The following A3GALT2 variants were observed in gnomAD, a reference collection of about 807,000 sequenced individuals.
A3GALT2 encodes the protein alpha 1,3-galactosyltransferase 2.
In A3GALT2, 14 loss-of-function variants were observed where a neutral mutation model predicts 16.6. The observed-to-expected ratio is 0.84, with a 90% CI of 0.56 to 1.32. The LOEUF (loss-of-function observed/expected upper bound fraction) is 1.32, where lower values mean the gene tolerates loss of function less well. A3GALT2 is among the 40% of genes most tolerant of loss of function. The probability of loss-of-function intolerance (pLI) is 0.00; values close to 1 mark genes in which losing one functional copy is unlikely to be tolerated. For missense variants in A3GALT2, 600 were observed against 490.9 expected (o/e 1.22, Z -2.10); for synonymous variants, 253 against 218.0 (o/e 1.16, Z -1.42).
intron 4 of A3GALT2, among the ~76,000 whole-genome samples, chr1:33,308,701 C>G (rs190848249): frequency 6.7e-6 from 1 of 149,734 alleles, no homozygotes; most frequent in Admixed American, 6.6e-5. Flanking sequence ...GCTACTACGC[C>G]TGGCCCTCCA....
intron 3 of A3GALT2, 49 bp downstream of exon 3, chr1:33,312,452 T>C: frequency 6.7e-7 from 1 of 1,497,216 alleles, no homozygotes; most frequent in South Asian, 1.3e-5. Context: ...GGCAGAGCTG[T>C]GTAGGGTTTG....
chr1:33,312,473 T>C (rs1377055340), intron 3 of A3GALT2, 28 bp downstream of exon 3: 22 of 1,544,096 alleles, frequency 1.4e-5, no homozygotes, highest in Non-Finnish European at 1.9e-5. Flanking sequence ...GGGGTGCCCT[T>C]GGAGTAGGAG....
intron 1 of A3GALT2, chr1:33,314,778 C>T (rs914861340): frequency 2.6e-5 from 4 of 152,218 alleles, no homozygotes; most frequent in Non-Finnish European, 5.9e-5. Context: ...AGAGTCATCT[C>T]ATAACAAGTC....
At position 33,307,082 on chromosome 1, in the gene A3GALT2, C is replaced by T; in HGVS notation, c.707G>A (p.Arg236His). ...CATCGCGGCGGCCGAATGCGCGTCG[C>T]GTTCGAAGGGCAGCAGCCACGACGG... is the stretch of plus-strand genomic sequence containing the variant. ...HWPSWLLPFE[R>H]DAHSAAAMAW... The change falls in exon 5 of 5, where the codon CGC (arginine) becomes CAC (histidine). Residue 236 changes from arginine to histidine, a missense_variant. Physicochemically the swap from Arg to His is conservative, Grantham distance 29. Coordinates refer to ENST00000442999, the MANE Select transcript of A3GALT2 (RefSeq NM_001080438.1). 1 of 1,521,450 alleles carries T rather than the reference C, an allele frequency of 6.6e-7. No individual in the cohort carries two copies. The allele number at this position is 1,521,450 out of a possible 1,614,324, so 94.2% of individuals were successfully genotyped here.
At chr1:33,308,938 T>G (rs1646218422) in intron 4 of A3GALT2, among the ~76,000 whole-genome samples, 1 of 151,856 alleles carries the variant, frequency 6.6e-6, no homozygotes, top group Non-Finnish European at 1.5e-5. Context: ...TTTGTGTCCC[T>G]GGGTACTTGA....
rs56655319 is a variant in A3GALT2, at chr1:33,308,750, G to GTTTTTTTTTTTTT, written c.336-1310_336-1298dup. Among the ~76,000 whole-genome samples the GTTTTTTTTTTTTT allele has an allele frequency of 1.0e-3, 46 of 46,052 alleles. 1 individual carries two copies. The highest frequency in any genetic ancestry group is 3.1e-3 in the African/African-American group (25 of 8,184). 30.2% of individuals were successfully genotyped at this position (46,052 alleles called of 152,430 possible). On this transcript the variant is annotated intron_variant, in intron 4 of 4. Transcript: ENST00000442999. ...ATTATTTTTTTGTCATGTCAAAGTT[G>GTTTTTTTTTTTTT]TTTTTTTTTTTTTTTTTTTTTTTTT...
In A3GALT2 at chr1:33,312,610, G is replaced by C; in HGVS notation, c.108-20C>G. 3.9e-6 allele frequency: 6 copies of C among 1,554,030 alleles called. No homozygotes were observed. Among genetic ancestry groups the C allele is most frequent in the Non-Finnish European group, 5.2e-6 (6 of 1,145,530 alleles). ...AGATGCCTGTGGTGGGTTGAGGGGCGGGGGGCAGGCAGCCGTGAGAAGCAT... is the reference window on the plus strand; with the variant it reads ...AGATGCCTGTGGTGGGTTGAGGGGCCGGGGGCAGGCAGCCGTGAGAAGCAT... On this transcript the variant is annotated intron_variant, in intron 2 of 4. Coordinates refer to ENST00000442999, the MANE Select transcript of A3GALT2 (RefSeq NM_001080438.1).
At chr1:33,307,570 CCCCACT>C (rs1646202443) in intron 4 of A3GALT2, 117 bp from the exon 5 acceptor site, 5 of 710,854 alleles carry the variant, frequency 7.0e-6, no homozygotes, top group East Asian at 3.8e-5. Context: ...CCACCCTCAC[CCCCACT>C]CCCACCCCAC....
At chr1:33,317,948 G>C (rs909384355) in intron 1 of A3GALT2, among the ~76,000 whole-genome samples, 2 of 152,160 alleles carry the variant, frequency 1.3e-5, no homozygotes, top group Non-Finnish European at 2.9e-5. Context: ...TTGGATGAGG[G>C]GTGCTCAACT....
In A3GALT2 at chr1:33,307,361, A is replaced by G. The variant is rs770634070; in HGVS notation, c.428T>C (p.Leu143Pro). ...CGCCACGCGGGGCACCGCTCCCGGA[A>G]GCTCGGTGAACACGTAGTACATCAC... ...QSVMYYVFTELPGAVPRVALG... is the reference protein window; with the variant it reads ...QSVMYYVFTEPPGAVPRVALG... Residue 143 changes from leucine (L) to proline (P), a missense_variant, in exon 5 of 5, where the codon CTT (leucine) becomes CCT (proline). Transcript: ENST00000442999. The G allele has an allele frequency of 1.8e-5, 28 of 1,550,614 alleles. No individual in the cohort carries two copies. The South Asian group carries it at 3.1e-4, about 17-fold the overall frequency.
chr1:33,306,799 C>A lies in A3GALT2; in HGVS notation c.990G>T (p.Trp330Cys), dbSNP rs899867169. The change falls in exon 5 of 5, where the codon TGG becomes TGT. Residue 330 changes from tryptophan to cysteine, a missense_variant. Coordinates refer to ENST00000442999, the MANE Select transcript of A3GALT2 (RefSeq NM_001080438.1). ...RAEIRRPRLL[W>C]APKGYRLLRN ...GCAGCAGCCGGTACCCCTTGGGCGC[C>A]CACAGCAGTCGCGGGCGGCGGATCT... 2.1e-6 allele frequency: 3 copies of A among 1,455,216 alleles called. No homozygotes were observed. The highest frequency in any genetic ancestry group is 1.8e-6 in the Non-Finnish European group (2 of 1,111,522). The allele number at this position is 1,455,216 out of a possible 1,614,324, so 90.1% of individuals were successfully genotyped here.
chr1:33,308,467 G>T (rs1439729162), intron 4 of A3GALT2, among the ~76,000 whole-genome samples: 1 of 152,082 alleles, frequency 6.6e-6, no homozygotes, highest in Non-Finnish European at 1.5e-5. Context: ...GTACAGTGGC[G>T]CTATCTCAGC....
Position 33,307,085 on chromosome 1 carries a change from T to G in A3GALT2, c.704A>C (p.Glu235Ala), listed in dbSNP as rs1303390756. ...CGCGGCGGCCGAATGCGCGTCGCGTTCGAAGGGCAGCAGCCACGACGGCCA... is the reference window on the plus strand; with the variant it reads ...CGCGGCGGCCGAATGCGCGTCGCGTGCGAAGGGCAGCAGCCACGACGGCCA... ...YHWPSWLLPFERDAHSAAAMA... is the reference protein window; with the variant it reads ...YHWPSWLLPFARDAHSAAAMA... The change falls in exon 5 of 5, where the codon GAA becomes GCA. Residue 235 changes from glutamate (E) to alanine (A), a missense_variant. Coordinates refer to ENST00000442999, the MANE Select transcript of A3GALT2 (RefSeq NM_001080438.1). 4.6e-6 allele frequency: 7 copies of G among 1,522,548 alleles called. No homozygotes were observed. The highest frequency in any genetic ancestry group is 6.2e-6 in the Non-Finnish European group (7 of 1,137,498). The allele number at this position is 1,522,548 out of a possible 1,614,324, so 94.3% of individuals were successfully genotyped here.
intron 1 of A3GALT2, among the ~76,000 whole-genome samples, chr1:33,317,042 T>C (rs145984527): frequency 7.2e-4 from 109 of 152,246 alleles, no homozygotes; most frequent in Non-Finnish European, 1.4e-3. Flanking sequence ...CTTGTTTCCC[T>C]TACACAAGCG....
chr1:33,317,115 G>T (rs1050686381), intron 1 of A3GALT2, among the ~76,000 whole-genome samples: 2 of 152,158 alleles, frequency 1.3e-5, no homozygotes, highest in Non-Finnish European at 2.9e-5. Flanking sequence ...TTGGGTCACA[G>T]GGAGAGGCAT....
intron 3 of A3GALT2, 132 bp downstream of exon 3, chr1:33,312,369 T>C: frequency 7.8e-7 from 1 of 1,284,834 alleles, no homozygotes; most frequent in Non-Finnish European, 1.1e-6. Flanking sequence ...TGTGGCCCGA[T>C]GGGGCTGCTG....
intron 1 of A3GALT2, chr1:33,314,896 A>T (rs1175246825): frequency 1.3e-5 from 2 of 152,210 alleles, no homozygotes. Context: ...TGGCAATCAA[A>T]GATATACAAA....
At chr1:33,311,148 A>C (rs925179889) in intron 4 of A3GALT2, among the ~76,000 whole-genome samples, 2 of 152,164 alleles carry the variant, frequency 1.3e-5, no homozygotes, top group African/African-American at 4.8e-5. Flanking sequence ...GCCCGAAACT[A>C]GGTTATAGGA....
At chr1:33,311,291 C>T (rs6661062) in intron 4 of A3GALT2, among the ~76,000 whole-genome samples, 11,944 of 152,132 alleles carry the variant, frequency 0.079, 667 homozygotes, top group East Asian at 0.18. Flanking sequence ...GACCTCCTTT[C>T]CTGTAGTGAT....
Sources: gnomAD v4.1 joint callset for allele counts (sites outside exome capture counted in the v4.1 genomes callset) on GRCh38, gnomAD v4.1.1 for gene constraint, MANE v1.5 for transcripts, NCBI Gene and HGNC (gene_info 2026-07-23, HGNC 2026-07-21) for gene names.